PLAGL1: variants seen among roughly 807,000 people sequenced by gnomAD.
PLAGL1 encodes zinc finger protein PLAGL1.
PLAGL1 carries 1 observed loss-of-function variant against 4.6 expected under a neutral mutation model. The ratio of observed to expected loss-of-function variants is 0.22; its 90% confidence interval spans 0.08 to 1.03. The LOEUF is 1.03. Among genes scored for constraint, PLAGL1 ranks in the 50% least tolerant of loss-of-function variants. The pLI is 0.58. For synonymous variants in PLAGL1, 240 were observed against 237.8 expected (o/e 1.01, Z -0.08); for missense variants, 464 against 570.4 (o/e 0.81, Z 1.90).
At chr6:144,007,269 C>T (rs1345994576) in intron 1 of PLAGL1, 2 of 152,098 alleles carry the variant, frequency 1.3e-5, no homozygotes, top group Admixed American at 6.6e-5. Flanking sequence ...CCAGCGAGAC[C>T]GGTGGGTTAA....
At chr6:144,054,750 T>TAAAAGA (rs139886289) in intron 1 of PLAGL1, among the ~76,000 whole-genome samples, 22,403 of 147,928 alleles carry the variant, frequency 0.15, 2,453 homozygotes, top group African/African-American at 0.29. Context: ...TCCCGGAGCA[T>TAAAAGA]AAAAGAAAAA....
intron 1 of PLAGL1, among the ~76,000 whole-genome samples, chr6:144,041,805 G>T (rs970126350): frequency 2.6e-5 from 4 of 152,132 alleles, no homozygotes; most frequent in Non-Finnish European, 5.9e-5. Context: ...CCCAACAATG[G>T]CATAAAAGCA....
In PLAGL1 at chr6:144,030,254, CAAAAAAAA is replaced by C. The variant is rs66563676; in HGVS notation, c.-151+34206_-151+34213del. On this transcript the variant is annotated intron_variant, in intron 1 of 3. Coordinates refer to the PLAGL1 transcript ENST00000437412. The stretch of plus-strand genomic sequence containing the variant: ...TGGGTGACAGAGCGAGACTCCGTCT[CAAAAAAAA>C]AAAAAAAAAAAAAAAAAAAAAGAAG... Among the ~76,000 whole-genome samples the C allele has an allele frequency of 9.3e-3, 415 of 44,518 alleles. 1 individual carries two copies. Among genetic ancestry groups the C allele is most frequent in the African/African-American group, 0.031 (386 of 12,408 alleles). 29.2% of individuals were successfully genotyped at this position (44,518 alleles called of 152,430 possible).
Position 143,965,947 on chromosome 6 carries a change from A to G in PLAGL1, c.-431+211T>C, listed in dbSNP as rs1023729618. The G allele has an allele frequency of 6.6e-6, 1 of 152,240 alleles. No individual in the cohort carries two copies. Among genetic ancestry groups the G allele is most frequent in the Admixed American group, 6.5e-5 (1 of 15,292 alleles). 9.4% of individuals were successfully genotyped at this position (152,240 alleles called of 1,614,324 possible). A position where few individuals can be genotyped will look rare whatever the true frequency, so the allele number is the denominator to read the frequency against. On this transcript the variant is annotated intron_variant, in intron 4 of 7. Coordinates refer to ENST00000674357, the MANE Select transcript of PLAGL1 (RefSeq NM_001317162.2). This position sits in a 1 kb window ranked among gnomAD's most constrained non-coding sequence, Gnocchi z 7.5. The stretch of plus-strand genomic sequence containing the variant: ...AGAGAATGGAGAACGAGTTCACTCT[A>G]TTGGCCCAAACTCAATTTTCATGTG...
chr6:144,054,451 G>A (rs552995453), intron 1 of PLAGL1, among the ~76,000 whole-genome samples: 1 of 152,270 alleles, frequency 6.6e-6, no homozygotes, highest in South Asian at 2.1e-4. Context: ...CCTTGCAGGG[G>A]CATGGATGAA....
rs894167483 is a variant in PLAGL1, at chr6:143,968,066, C to T, written c.-472+841G>A. 1 of 148,852 alleles carries T rather than the reference C, an allele frequency of 6.7e-6. No individual in the cohort carries two copies. Among genetic ancestry groups the T allele is most frequent in the African/African-American group, 2.5e-5 (1 of 40,382 alleles). The allele number at this position is 148,852 out of a possible 1,614,324, so 9.2% of individuals were successfully genotyped here. ...TTATGGTTAAGCAACAGCACTGCAG[C>T]TGCAAAAGAAGTGAGGGCTGCTTTA... On this transcript the variant is annotated intron_variant, in intron 3 of 7. Coordinates refer to ENST00000674357, the MANE Select transcript of PLAGL1 (RefSeq NM_001317162.2). The surrounding 1 kb of genome is among the most constrained non-coding windows in gnomAD (Gnocchi z 6.3).
chr6:143,986,514 A>G (rs1789206320), intron 1 of PLAGL1, among the ~76,000 whole-genome samples: 1 of 152,174 alleles, frequency 6.6e-6, no homozygotes, highest in African/African-American at 2.4e-5. Context: ...GACATATTCA[A>G]TTGAGCAGAG....
rs1405227036 is a variant in PLAGL1 at position 144,055,514 on chromosome 6, G to C, written c.-151+8954C>G. Among the ~76,000 whole-genome samples, 1 of 152,056 alleles carries C rather than the reference G, an allele frequency of 6.6e-6. No homozygotes were observed. Among genetic ancestry groups the C allele is most frequent in the Non-Finnish European group, 1.5e-5 (1 of 68,008 alleles). On this transcript the variant is annotated intron_variant, in intron 1 of 3. Transcript: ENST00000437412. This position sits in a 1 kb window ranked among gnomAD's most constrained non-coding sequence, Gnocchi z 5.0. ...TGTTGCCCTGGGTGCCTCTATCGTA[G>C]GACCCCCAACTACCCTCAAGCCTGT...
rs1793885529 is a variant in PLAGL1, at chr6:144,005,121, T to C, written c.-584+2969A>G. 6.6e-6 allele frequency: 1 copy of C among 151,930 alleles called. No homozygotes were observed. Among genetic ancestry groups the C allele is most frequent in the Admixed American group, 6.6e-5 (1 of 15,258 alleles). The allele number at this position is 151,930 out of a possible 1,614,324, so 9.4% of individuals were successfully genotyped here. On this transcript the variant is annotated intron_variant, in intron 1 of 7. Transcript: ENST00000674357. This position sits in a 1 kb window ranked among gnomAD's most constrained non-coding sequence, Gnocchi z 4.6. ...ATGATACAAGGAGCAGTTAAAACCA[T>C]AAAGCAATTCTCGAATTTCAAAGAA... is the stretch of plus-strand genomic sequence containing the variant.
intron 1 of PLAGL1, among the ~76,000 whole-genome samples, chr6:144,030,325 T>A (rs1359965338): frequency 7.0e-6 from 1 of 143,060 alleles, no homozygotes; most frequent in Non-Finnish European, 1.5e-5. Flanking sequence ...GTTCATATAA[T>A]GGAATAAGGT....
intron 1 of PLAGL1, among the ~76,000 whole-genome samples, chr6:144,021,879 A>G (rs1164023883): frequency 2.0e-5 from 3 of 152,340 alleles, no homozygotes; most frequent in Non-Finnish European, 2.9e-5. Context: ...TAGTCATGGA[A>G]TCATAGAACT....
rs1778819955 is a variant in PLAGL1 at position 143,942,386 on chromosome 6, C to G, written c.430G>C (p.Glu144Gln). Reference protein sequence around the residue: ...VLLDHLKAHAEEKPPSGTKEK... With the variant: ...VLLDHLKAHAQEKPPSGTKEK... ...TTGGTTCCGCTAGGGGGCTTCTCTT[C>G]CGCATGGGCTTTGAGGTGGTCCAGT... Residue 144 changes from glutamate (E) to glutamine (Q), a missense_variant, in exon 8 of 8, where the codon GAA becomes CAA. Coordinates refer to ENST00000674357, the MANE Select transcript of PLAGL1 (RefSeq NM_001317162.2). This position sits in a 1 kb window ranked among gnomAD's most constrained non-coding sequence, Gnocchi z 7.6. The G allele has an allele frequency of 1.2e-6, 2 of 1,614,056 alleles. No individual in the cohort carries two copies. The highest frequency in any genetic ancestry group is 2.7e-5 in the African/African-American group (2 of 74,908).
At position 144,055,785 on chromosome 6, in the gene PLAGL1, C is replaced by T. The variant is rs1798921546; in HGVS notation, c.-151+8683G>A. Among the ~76,000 whole-genome samples the T allele has an allele frequency of 6.6e-6, 1 of 152,196 alleles. No homozygotes were observed. The highest frequency in any genetic ancestry group is 1.5e-5 in the Non-Finnish European group (1 of 68,032). On this transcript the variant is annotated intron_variant, in intron 1 of 3. Coordinates refer to the PLAGL1 transcript ENST00000437412. The surrounding 1 kb of genome is among the most constrained non-coding windows in gnomAD (Gnocchi z 5.0). ...GCTACATTTACATTATTAACGATAA[C>T]AAGTCCTGGAAGAAAGAACCTCATC... is the stretch of plus-strand genomic sequence containing the variant.
chr6:143,980,388 GTT>G (rs71024882), intron 2 of PLAGL1, among the ~76,000 whole-genome samples: 3,848 of 133,316 alleles, frequency 0.029, 115 homozygotes, highest in East Asian at 0.11. Flanking sequence ...CTTTTTTCTA[GTT>G]TTTTTTTTTT....
chr6:143,944,814 T>C (rs1349675117), intron 7 of PLAGL1, among the ~76,000 whole-genome samples: 1 of 150,208 alleles, frequency 6.7e-6, no homozygotes, highest in Admixed American at 6.7e-5. Flanking sequence ...CCAGTACTGG[T>C]GAACAGGATC....
chr6:143,992,183 G>A (rs974027017), intron 1 of PLAGL1, among the ~76,000 whole-genome samples: 2 of 152,202 alleles, frequency 1.3e-5, no homozygotes, highest in East Asian at 1.9e-4. Context: ...ATAGTTAGGA[G>A]GGGCATGAGA....
intron 1 of PLAGL1, among the ~76,000 whole-genome samples, chr6:144,018,214 C>G (rs531798959): frequency 7.2e-5 from 11 of 152,228 alleles, no homozygotes; most frequent in African/African-American, 2.6e-4. Context: ...AGAAAGAAAT[C>G]CTATCATTTA....
rs139955956 is a variant in PLAGL1 at position 143,957,458 on chromosome 6, G to A, written c.-325+3011C>T. 8.1e-4 allele frequency among the ~76,000 whole-genome samples: 124 copies of A among 152,262 alleles called. No homozygotes were observed. Among genetic ancestry groups the A allele is most frequent in the Non-Finnish European group, 1.6e-3 (106 of 68,012 alleles). On this transcript the variant is annotated intron_variant, in intron 6 of 7. Coordinates refer to ENST00000674357, the MANE Select transcript of PLAGL1 (RefSeq NM_001317162.2). This position sits in a 1 kb window ranked among gnomAD's most constrained non-coding sequence, Gnocchi z 4.2. ...CACTCCCTAGAAACCCTTGAGTCTC[G>A]CCTTTAGGCCCTTTTAGGGTCTGCT...
chr6:144,016,269 A>C lies in PLAGL1; in HGVS notation c.-150-47291T>G, dbSNP rs999710427. Among the ~76,000 whole-genome samples the C allele has an allele frequency of 3.9e-5, 6 of 152,188 alleles. No homozygotes were observed. Among genetic ancestry groups the C allele is most frequent in the Non-Finnish European group, 8.8e-5 (6 of 68,038 alleles). ...TTGGAGTCTGATGTTAGAGGGCAGG[A>C]AGCATCCAGCATGGGAGAAAGATGT... On this transcript the variant is annotated intron_variant, in intron 1 of 3. Coordinates refer to the PLAGL1 transcript ENST00000437412. The surrounding 1 kb of genome is among the most constrained non-coding windows in gnomAD (Gnocchi z 4.2).
Sources: allele counts gnomAD v4.1 joint callset (sites outside exome capture counted in the v4.1 genomes callset), GRCh38; gene constraint gnomAD v4.1.1; non-coding constraint Gnocchi (gnomAD v3.1); transcripts MANE v1.5; gene names NCBI Gene and HGNC (gene_info 2026-07-23, HGNC 2026-07-21).